Variants in CLEC10A observed in about 807,000 individuals in gnomAD.
The protein encoded by CLEC10A is C-type lectin domain family 10 member A.
In CLEC10A, 38 loss-of-function variants were observed where a neutral mutation model predicts 42.0. The ratio of observed to expected loss-of-function variants is 0.90; its 90% confidence interval spans 0.70 to 1.18. The LOEUF (loss-of-function observed/expected upper bound fraction) is 1.18, where lower values mean the gene tolerates loss of function less well. Ranked by LOEUF, CLEC10A falls within the 50% of genes most tolerant of loss-of-function variation. The pLI, the probability that CLEC10A is intolerant of heterozygous loss-of-function variation, is 0.00. For missense variants in CLEC10A, 298 were observed against 345.9 expected (o/e 0.86, Z 1.10); for synonymous variants, 126 against 139.9 (o/e 0.90, Z 0.70).
chr17:7,075,103 T>TG lies in CLEC10A; in HGVS notation c.820dup (p.His274ProfsTer49). ...ACCCAGGCCAGCCTCGCAGACCCAGTGGTAGGGCCTCTGGCAGACGTCGTC... is the reference window on the plus strand; with the variant it reads ...ACCCAGGCCAGCCTCGCAGACCCAGTGGGTAGGGCCTCTGGCAGACGTCGTC... On this transcript the variant is annotated frameshift_variant, in exon 9 of 9. Transcript: ENST00000416562. LOFTEE classifies it high-confidence loss of function. 1 of 1,605,264 alleles carries TG rather than the reference T, an allele frequency of 6.2e-7. No individual in the cohort carries two copies. The highest frequency in any genetic ancestry group is 8.5e-7 in the Non-Finnish European group (1 of 1,177,518).
chr17:7,078,016 G>A lies in CLEC10A; in HGVS notation c.165C>T (p.Ile55=), dbSNP rs139902883. The A allele has an allele frequency of 2.6e-4, 414 of 1,613,212 alleles. No homozygotes were observed. Among genetic ancestry groups the A allele is most frequent in the Non-Finnish European group, 3.3e-4 (388 of 1,179,384 alleles). Residue 55 remains isoleucine (I), a synonymous_variant, in exon 3 of 9, where the codon ATC becomes ATT. Coordinates refer to ENST00000416562, the MANE Select transcript of CLEC10A (RefSeq NM_001330070.2). ...CCTCACTTTGGAATCCAACCACACAGATGATGACCAGCAGCAGGAGGCCGA... is the reference window on the plus strand; with the variant it reads ...CCTCACTTTGGAATCCAACCACACAAATGATGACCAGCAGCAGGAGGCCGA... ...LGLGLLLLVI[I]CVVGFQNSKF...
intron 5 of CLEC10A, 90 bp from the exon 6 acceptor site, chr17:7,076,161 G>C (rs757545110): frequency 6.2e-7 from 1 of 1,612,012 alleles, no homozygotes; most frequent in Non-Finnish European, 8.5e-7. Context: ...CCCTGCACAG[G>C]GCCAAGCCAG....
chr17:7,075,903 GGA>G lies in CLEC10A; in HGVS notation c.440-20_440-19del, dbSNP rs1405453435. The G allele has an allele frequency of 4.4e-6, 3 of 683,562 alleles. No individual in the cohort carries two copies. Among genetic ancestry groups the G allele is most frequent in the Non-Finnish European group, 5.7e-6 (3 of 522,878 alleles). The allele number at this position is 683,562 out of a possible 1,614,324, so 42.3% of individuals were successfully genotyped here. On this transcript the variant is annotated intron_variant, in intron 6 of 8. Coordinates refer to ENST00000416562, the MANE Select transcript of CLEC10A (RefSeq NM_001330070.2). ...AGTGGAGGCTGATTGGGGAGAAATA[GGA>G]TAGGGTGGAGAGGCTGAGGCTCTGC...
At chr17:7,076,662 A>C in intron 5 of CLEC10A, 71 bp downstream of exon 5, 2 of 1,527,574 alleles carry the variant, frequency 1.3e-6, no homozygotes, top group Non-Finnish European at 1.8e-6. Context: ...GTTCAGCACC[A>C]GGAGTCTGTT....
chr17:7,079,294 G>A (rs941070496), intron 1 of CLEC10A, among the ~76,000 whole-genome samples: 1 of 152,078 alleles, frequency 6.6e-6, no homozygotes, highest in African/African-American at 2.4e-5. Context: ...GGAGCTGGGT[G>A]GGGGGCGACA....
intron 2 of CLEC10A, 84 bp downstream of exon 2, chr17:7,078,662 G>T: frequency 1.5e-6 from 2 of 1,314,548 alleles, no homozygotes; most frequent in African/African-American, 1.4e-5. Flanking sequence ...ACCAGTGCGC[G>T]TGGTGGAGGT....
chr17:7,079,619 G>A (rs1239483796), intron 1 of CLEC10A, among the ~76,000 whole-genome samples: 1 of 152,070 alleles, frequency 6.6e-6, no homozygotes, highest in Non-Finnish European at 1.5e-5. Flanking sequence ...GGTTAGTATT[G>A]GGATTAGGGC....
In CLEC10A at chr17:7,078,874, T is replaced by C. The variant is rs1597361688; in HGVS notation, c.-62A>G. ...AAATGGAGGCAGGGCCGGCGCCCAG[T>C]CTGGGGTGGAGCTGGGGAATAGGAG... On this transcript the variant is annotated 5_prime_UTR_variant, in exon 2 of 9. Transcript: ENST00000416562. 1 of 1,526,480 alleles carries C rather than the reference T, an allele frequency of 6.6e-7. No individual in the cohort carries two copies. The highest frequency in any genetic ancestry group is 9.1e-7 in the Non-Finnish European group (1 of 1,100,258). The allele number at this position is 1,526,480 out of a possible 1,614,324, so 94.6% of individuals were successfully genotyped here. A position where few individuals can be genotyped will look rare whatever the true frequency, so the allele number is the denominator to read the frequency against.
chr17:7,076,098 G>A lies in CLEC10A; in HGVS notation c.353-27C>T, dbSNP rs778160846. On this transcript the variant is annotated intron_variant, in intron 5 of 8. Coordinates refer to ENST00000416562, the MANE Select transcript of CLEC10A (RefSeq NM_001330070.2). Reference sequence around the variant, plus strand: ...TGGGACACACACAGATGGGCAGTGGGGACAGTGGCCTAGGTGTGCCTTCTG... The same window carrying A: ...TGGGACACACACAGATGGGCAGTGGAGACAGTGGCCTAGGTGTGCCTTCTG... 65 of 1,613,998 alleles carry A rather than the reference G, an allele frequency of 4.0e-5. No individual in the cohort carries two copies. The highest frequency in any genetic ancestry group is 5.3e-5 in the Non-Finnish European group (63 of 1,180,020).
intron 2 of CLEC10A, chr17:7,078,384 A>T: frequency 2.0e-6 from 1 of 507,014 alleles, no homozygotes. Context: ...CAGGGGCAGG[A>T]GGACACAGGG....
At chr17:7,077,094 C>G in intron 3 of CLEC10A, 107 bp from the exon 4 acceptor site, 1 of 764,386 alleles carries the variant, frequency 1.3e-6, no homozygotes, top group South Asian at 1.4e-5. Context: ...TCACGGCAAC[C>G]CAGTGGGGCA....
chr17:7,074,953 C>A lies in CLEC10A; in HGVS notation c.*101G>T. On this transcript the variant is annotated 3_prime_UTR_variant, in exon 9 of 9. Transcript: ENST00000416562. The stretch of plus-strand genomic sequence containing the variant: ...AATGTTAGCAGTGCTTCCAATCTCC[C>A]AGTGCTTATTTCTCTCCCAGAGCGG... 1.1e-6 allele frequency: 1 copy of A among 898,402 alleles called. No individual in the cohort carries two copies. Among genetic ancestry groups the A allele is most frequent in the Non-Finnish European group, 1.6e-6 (1 of 631,596 alleles). 55.7% of individuals were successfully genotyped at this position (898,402 alleles called of 1,614,324 possible).
At chr17:7,077,319 CA>C (rs68032848) in intron 3 of CLEC10A, among the ~76,000 whole-genome samples, 34,995 of 87,198 alleles carry the variant, frequency 0.4, 5,724 homozygotes, top group African/African-American at 0.54. Flanking sequence ...TCAGTGCCCC[CA>C]TCACCATTCC....
In CLEC10A at chr17:7,074,977, G is replaced by A. The variant is rs191811013; in HGVS notation, c.*77C>T. Reference sequence around the variant, plus strand: ...CCAGTGCTTATTTCTCTCCCAGAGCGGTCTTGCGAGGAGGTCGTGAGAAGA... The same window carrying A: ...CCAGTGCTTATTTCTCTCCCAGAGCAGTCTTGCGAGGAGGTCGTGAGAAGA... On this transcript the variant is annotated 3_prime_UTR_variant, in exon 9 of 9. Coordinates refer to ENST00000416562, the MANE Select transcript of CLEC10A (RefSeq NM_001330070.2). The A allele has an allele frequency of 7.1e-4, 846 of 1,183,636 alleles. 6 individuals are homozygous for A. The African/African-American group carries it at 9.9e-3, about 14-fold the overall frequency. 73.3% of individuals were successfully genotyped at this position (1,183,636 alleles called of 1,614,324 possible).
rs753162583 is a variant in CLEC10A at position 7,076,084 on chromosome 17, C to T, written c.353-13G>A. ...ATTTCAGAATGAACTGGGACACACA[C>T]AGATGGGCAGTGGGGACAGTGGCCT... is the stretch of plus-strand genomic sequence containing the variant. On this transcript the variant is annotated splice_polypyrimidine_tract_variant and intron_variant, in intron 5 of 8. Coordinates refer to ENST00000416562, the MANE Select transcript of CLEC10A (RefSeq NM_001330070.2). The T allele has an allele frequency of 4.3e-6, 7 of 1,614,176 alleles. No homozygotes were observed. The highest frequency in any genetic ancestry group is 5.9e-6 in the Non-Finnish European group (7 of 1,180,044).
At chr17:7,079,850 CAG>C (rs1205853042) in intron 1 of CLEC10A, among the ~76,000 whole-genome samples, 200 bp downstream of exon 1, 2 of 151,976 alleles carry the variant, frequency 1.3e-5, no homozygotes, top group Admixed American at 6.6e-5. Context: ...TAGTTTATGA[CAG>C]GGGATTGTGG....
At chr17:7,075,274 A>T in intron 8 of CLEC10A, 52 bp from the exon 9 acceptor site, 1 of 1,504,540 alleles carries the variant, frequency 6.6e-7, no homozygotes, top group Non-Finnish European at 8.9e-7. Context: ...AGTAGAATTC[A>T]GTTCAGGGGA....
In CLEC10A at chr17:7,075,486, G is replaced by C; in HGVS notation, c.595-20C>G. Reference sequence around the variant, plus strand: ...AAAATTCTGCGGTGACAGAAGGGCAGTGGTGACTTCTTCCCATCCCAGCCA... The same window carrying C: ...AAAATTCTGCGGTGACAGAAGGGCACTGGTGACTTCTTCCCATCCCAGCCA... On this transcript the variant is annotated intron_variant, in intron 7 of 8. Transcript: ENST00000416562. The C allele has an allele frequency of 6.6e-7, 1 of 1,525,672 alleles. No individual in the cohort carries two copies. The allele number at this position is 1,525,672 out of a possible 1,614,324, so 94.5% of individuals were successfully genotyped here.
chr17:7,078,141 G>A lies in CLEC10A; in HGVS notation c.68-28C>T, dbSNP rs748167019. 6 of 1,546,334 alleles carry A rather than the reference G, an allele frequency of 3.9e-6. No homozygotes were observed. In the African/African-American group the frequency reaches 5.5e-5, roughly 14 times the overall value. ...GCAAGAGGAGAGAGTGTCAGGATGA[G>A]GAGGGTCCAGACACCGGAGACGGGA... On this transcript the variant is annotated intron_variant, in intron 2 of 8. Transcript: ENST00000416562.
Sources: gnomAD v4.1 joint callset for allele counts (sites outside exome capture counted in the v4.1 genomes callset) on GRCh38, gnomAD v4.1.1 for gene constraint, MANE v1.5 for transcripts, NCBI Gene and HGNC (gene_info 2026-07-23, HGNC 2026-07-21) for gene names.